RGS6: variants seen among roughly 807,000 people sequenced by gnomAD.
RGS6 encodes the protein regulator of G protein signaling 6, also known as regulator of G-protein signaling 6.
In RGS6, 30 loss-of-function variants were observed where a neutral mutation model predicts 78.5. The observed-to-expected ratio is 0.38, with a 90% CI of 0.29 to 0.52. RGS6 has a LOEUF of 0.52. Ranked by LOEUF, RGS6 falls within the 20% of genes least tolerant of loss-of-function variation. RGS6 has a pLI of 0.85. For missense variants in RGS6, 495 were observed against 609.7 expected, an observed-to-expected ratio of 0.81 and a Z score of 1.98; for synonymous variants, 206 against 206.0, an observed-to-expected ratio of 1.00 and a Z score of 0.00.
At position 72,089,464 on chromosome 14, in the gene RGS6, G is replaced by A. The variant is rs75131368; in HGVS notation, c.84+124589G>A. On this transcript the variant is annotated intron_variant, in intron 2 of 17. Coordinates refer to ENST00000553525, the MANE Select transcript of RGS6 (RefSeq NM_001204424.2). Reference sequence around the variant, plus strand: ...TAACTTTCCTGTACATTGTGTATTCGTTTCCTGATGATCAAAACTGGATTA... The same window carrying A: ...TAACTTTCCTGTACATTGTGTATTCATTTCCTGATGATCAAAACTGGATTA... Among the ~76,000 whole-genome samples, 307 of 152,262 alleles carry A rather than the reference G, an allele frequency of 2.0e-3. 1 individual carries two copies. Among genetic ancestry groups the A allele is most frequent in the Non-Finnish European group, 3.4e-3 (229 of 68,008 alleles).
At chr14:72,091,732 G>A (rs1012202325) in intron 2 of RGS6, among the ~76,000 whole-genome samples, 2 of 152,074 alleles carry the variant, frequency 1.3e-5, no homozygotes, top group African/African-American at 2.4e-5. Flanking sequence ...GGGCCAAGCC[G>A]GTTCTAAATC....
chr14:71,942,565 A>G (rs1327980339), intron 1 of RGS6, among the ~76,000 whole-genome samples: 1 of 152,158 alleles, frequency 6.6e-6, no homozygotes, highest in Non-Finnish European at 1.5e-5. Context: ...GCATAAATCC[A>G]CAAAGTGAAG....
chr14:72,602,990 G>C, the RGS6 span, among the ~76,000 whole-genome samples: 3 of 152,114 alleles, frequency 2.0e-5, no homozygotes, highest in Non-Finnish European at 4.4e-5. Context: ...AAAGTCAAAG[G>C]ATATTTATAA....
At chr14:71,993,309 A>T (rs1478035295) in intron 2 of RGS6, among the ~76,000 whole-genome samples, 1 of 125,264 alleles carries the variant, frequency 8.0e-6, no homozygotes, top group East Asian at 2.5e-4. Context: ...ACTTTGACAA[A>T]ATATTTTTTT....
chr14:72,003,920 G>A (rs1390329117), intron 2 of RGS6, among the ~76,000 whole-genome samples: 1 of 152,178 alleles, frequency 6.6e-6, no homozygotes, highest in Admixed American at 6.5e-5. Flanking sequence ...CCAGCCAAGG[G>A]TCAGAGAAGG....
chr14:72,275,658 C>T (rs1222023929), intron 2 of RGS6, among the ~76,000 whole-genome samples: 1 of 152,172 alleles, frequency 6.6e-6, no homozygotes, highest in Non-Finnish European at 1.5e-5. Context: ...TCTTAGTGGC[C>T]ATTCTGGGTA....
chr14:72,390,111 T>TTA, intron 3 of RGS6, among the ~76,000 whole-genome samples: 1 of 148,450 alleles, frequency 6.7e-6, no homozygotes, highest in Middle Eastern at 3.5e-3. Context: ...TTTTTTTTTT[T>TTA]AACTGAGACA....
chr14:72,593,289 G>C, the RGS6 span, among the ~76,000 whole-genome samples: 1 of 152,218 alleles, frequency 6.6e-6, no homozygotes, highest in South Asian at 2.1e-4. Context: ...AGATTATTTA[G>C]ACTGATGTTT....
At chr14:71,876,473 C>CTTTTTTTTTTTTTTTTTTT in the RGS6 span, among the ~76,000 whole-genome samples, 4 of 72,468 alleles carry the variant, frequency 5.5e-5, no homozygotes, top group African/African-American at 1.8e-4. Flanking sequence ...GCAACCGCTG[C>CTTTTTTTTTTTTTTTTTTT]TTTTTTTTTT....
At chr14:72,566,662 CACACACA>C (rs2097712698), downstream of RGS6, 1 of 145,696 alleles carries the variant, frequency 6.9e-6, no homozygotes, top group African/African-American at 2.6e-5. Context: ...CACACACACA[CACACACA>C]CACACACACA....
intron 3 of RGS6, among the ~76,000 whole-genome samples, chr14:72,412,436 G>A (rs772131858): frequency 7.0e-4 from 106 of 152,026 alleles, no homozygotes; most frequent in African/African-American, 2.1e-3. Flanking sequence ...TTTTTATTGC[G>A]TCTATTTGAT....
chr14:72,333,046 T>A (rs2075362004), intron 2 of RGS6, among the ~76,000 whole-genome samples: 1 of 152,118 alleles, frequency 6.6e-6, no homozygotes, highest in Admixed American at 6.5e-5. Flanking sequence ...AACACAGCAG[T>A]GGGCATTTCA....
chr14:72,541,759 G>GGTGAC (rs1232977931), intron 17 of RGS6: 5 of 887,898 alleles, frequency 5.6e-6, no homozygotes, highest in Non-Finnish European at 8.4e-6. Flanking sequence ...AGCTCTTGAG[G>GGTGAC]GTGACCGTGC....
At chr14:71,948,937 AC>A (rs1378710258) in intron 1 of RGS6, among the ~76,000 whole-genome samples, 7 of 151,964 alleles carry the variant, frequency 4.6e-5, no homozygotes, top group Non-Finnish European at 1.0e-4. Flanking sequence ...ATATGCCTGT[AC>A]ACTTTCTTTC....
intron 2 of RGS6, among the ~76,000 whole-genome samples, chr14:72,270,967 C>G (rs2059845788): frequency 6.6e-6 from 1 of 152,162 alleles, no homozygotes; most frequent in Non-Finnish European, 1.5e-5. Flanking sequence ...TACTATATGC[C>G]AAGCATTATG....
intron 2 of RGS6, among the ~76,000 whole-genome samples, chr14:72,118,138 GC>G (rs1305994128): frequency 1.3e-5 from 2 of 151,206 alleles, no homozygotes; most frequent in Non-Finnish European, 2.9e-5. Context: ...TGAGTGCTGG[GC>G]CCCACCCTCA....
chr14:71,896,437 G>A, the RGS6 span, among the ~76,000 whole-genome samples: 139 of 152,244 alleles, frequency 9.1e-4, 1 homozygote, highest in African/African-American at 3.3e-3. Context: ...GTAGCAGTGA[G>A]GATGACCCGA....
At chr14:72,164,553 G>A (rs1245144130) in intron 2 of RGS6, among the ~76,000 whole-genome samples, 1 of 152,190 alleles carries the variant, frequency 6.6e-6, no homozygotes, top group East Asian at 1.9e-4. Flanking sequence ...ACAACCCATT[G>A]ATATGGGGAT....
At chr14:72,595,718 G>C in the RGS6 span, among the ~76,000 whole-genome samples, 8 of 152,184 alleles carry the variant, frequency 5.3e-5, no homozygotes, top group Admixed American at 1.3e-4. Flanking sequence ...TTAATTGATG[G>C]CCTCTGCCTT....
Sources: gnomAD v4.1 joint callset for allele counts (sites outside exome capture counted in the v4.1 genomes callset) on GRCh38, gnomAD v4.1.1 for gene constraint, MANE v1.5 for transcripts, NCBI Gene and HGNC (gene_info 2026-07-23, HGNC 2026-07-21) for gene names.